ITFG1: variants seen among roughly 807,000 people sequenced by gnomAD.
The protein encoded by ITFG1 is integrin alpha FG-GAP repeat containing 1.
In ITFG1, 34 loss-of-function variants were observed where a neutral mutation model predicts 81.8. That is an observed-to-expected ratio of 0.42 (90% confidence interval 0.32 to 0.55). The LOEUF (loss-of-function observed/expected upper bound fraction) is 0.55. ITFG1 is among the 20% of genes least tolerant of loss of function. The pLI is 0.17. For missense variants in ITFG1, 672 were observed against 755.4 expected, an observed-to-expected ratio of 0.89 and a Z score of 1.29; for synonymous variants, 285 against 270.6, an observed-to-expected ratio of 1.05 and a Z score of -0.52.
chr16:47,185,268 C>A (rs1965195385), intron 14 of ITFG1, among the ~76,000 whole-genome samples: 1 of 152,170 alleles, frequency 6.6e-6, no homozygotes, highest in African/African-American at 2.4e-5. Flanking sequence ...CAGCTCTGCA[C>A]CAAGCGGACC....
At chr16:47,171,578 G>A (rs1964963063) in intron 14 of ITFG1, among the ~76,000 whole-genome samples, 1 of 151,890 alleles carries the variant, frequency 6.6e-6, no homozygotes, top group African/African-American at 2.4e-5. Context: ...CTGGCTTTGA[G>A]TTTAGTCTGG....
chr16:47,204,626 A>G lies in ITFG1; in HGVS notation c.1453+14242T>C, dbSNP rs137906219. 7.8e-3 allele frequency among the ~76,000 whole-genome samples: 1,184 copies of G among 151,902 alleles called. 14 individuals are homozygous for G. The highest frequency in any genetic ancestry group is 0.028 in the African/African-American group (1,143 of 41,164). ...ACATCATTTGTACCAGGTGGTATTAAAAGTAAAATAAGGTTTAATGAACCA... is the reference window on the plus strand; with the variant it reads ...ACATCATTTGTACCAGGTGGTATTAGAAGTAAAATAAGGTTTAATGAACCA... On this transcript the variant is annotated intron_variant, in intron 14 of 17. Transcript: ENST00000320640.
rs751842762 is a variant in ITFG1 at position 47,218,872 on chromosome 16, T to C, written c.1449A>G (p.Gly483=). 4.4e-6 allele frequency: 7 copies of C among 1,585,402 alleles called. No individual in the cohort carries two copies. In the East Asian group the frequency reaches 9.1e-5, roughly 21 times the overall value. Residue 483 remains glycine, a synonymous_variant, in exon 14 of 18, where the codon GGA becomes GGG. Transcript: ENST00000320640. The part of the protein sequence containing the change: ...TVDANGYLKN[G]SAGQLSQSAH... ...GGACAATGTATCTGGTCTTACCTGA[T>C]CCATTTTTCAGATACCCATTTGCAT... is the stretch of plus-strand genomic sequence containing the variant.
chr16:47,345,299 T>G (rs185160527), intron 8 of ITFG1, among the ~76,000 whole-genome samples: 62 of 151,296 alleles, frequency 4.1e-4, no homozygotes, highest in East Asian at 2.3e-3. Context: ...CTCTTTTTTT[T>G]TTTGTTTGTT....
At chr16:47,380,594 A>C (rs1968383977) in intron 6 of ITFG1, among the ~76,000 whole-genome samples, 1 of 152,182 alleles carries the variant, frequency 6.6e-6, no homozygotes, top group Non-Finnish European at 1.5e-5. Context: ...TATTTGATCA[A>C]GGCAGGGTGG....
At position 47,219,055 on chromosome 16, in the gene ITFG1, T is replaced by C. The variant is rs895081937; in HGVS notation, c.1375-109A>G. On this transcript the variant is annotated intron_variant, in intron 13 of 17. Coordinates refer to ENST00000320640, the MANE Select transcript of ITFG1 (RefSeq NM_030790.5). ...AATTCTTACACAGATGACAGTTACT[T>C]AGAGACCCCTTCCATTAACAGCACA... 4 of 535,174 alleles carry C rather than the reference T, an allele frequency of 7.5e-6. No homozygotes were observed. The African/African-American group carries it at 7.9e-5, about 11-fold the overall frequency. The allele number at this position is 535,174 out of a possible 1,614,324, so 33.2% of individuals were successfully genotyped here. A position where few individuals can be genotyped will look rare whatever the true frequency, so the allele number is the denominator to read the frequency against.
At chr16:47,307,188 TGAAG>T (rs1567453738) in intron 10 of ITFG1, among the ~76,000 whole-genome samples, 4 of 134,458 alleles carry the variant, frequency 3.0e-5, no homozygotes, top group Non-Finnish European at 4.7e-5. Flanking sequence ...ACTAAAAACA[TGAAG>T]GAGTCGTATC....
At chr16:47,338,456 AC>A (rs1302483377) in intron 8 of ITFG1, among the ~76,000 whole-genome samples, 2 of 152,060 alleles carry the variant, frequency 1.3e-5, no homozygotes, top group Non-Finnish European at 2.9e-5. Flanking sequence ...AAGAAAAAAA[AC>A]CCTAGCAAAC....
chr16:47,384,336 A>G (rs1240931556), intron 6 of ITFG1, among the ~76,000 whole-genome samples: 1 of 152,202 alleles, frequency 6.6e-6, no homozygotes, highest in Admixed American at 6.5e-5. Flanking sequence ...AAAAGATTTA[A>G]ACTCATTGTA....
intron 12 of ITFG1, among the ~76,000 whole-genome samples, chr16:47,248,090 T>G (rs1400334363): frequency 1.3e-5 from 2 of 152,328 alleles, no homozygotes; most frequent in East Asian, 3.9e-4. Flanking sequence ...AGGATACTAT[T>G]ATAGGAAGCA....
intron 6 of ITFG1, among the ~76,000 whole-genome samples, chr16:47,420,957 T>C (rs931510942): frequency 6.6e-6 from 1 of 152,208 alleles, no homozygotes; most frequent in Admixed American, 6.5e-5. Context: ...GATGCGTATA[T>C]ATTAAGATTA....
At chr16:47,169,466 A>AT (rs137899197) in intron 14 of ITFG1, among the ~76,000 whole-genome samples, 1,785 of 148,282 alleles carry the variant, frequency 0.012, 53 homozygotes, top group East Asian at 0.12. Flanking sequence ...AAACTGAACT[A>AT]TTTTTTTTTT....
rs1412317201 is a variant in ITFG1 at position 47,337,715 on chromosome 16, A to T, written c.803-23892T>A. Reference sequence around the variant, plus strand: ...CGCAATTGCGACAGAAGGTAAAAAAACACTCGTGTATGGTGAGATGCAGTG... The same window carrying T: ...CGCAATTGCGACAGAAGGTAAAAAATCACTCGTGTATGGTGAGATGCAGTG... On this transcript the variant is annotated intron_variant, in intron 8 of 17. Transcript: ENST00000320640. 2.0e-5 allele frequency among the ~76,000 whole-genome samples: 3 copies of T among 152,250 alleles called. No homozygotes were observed. The East Asian group carries it at 5.8e-4, about 29-fold the overall frequency.
chr16:47,457,789 T>TA lies in ITFG1; in HGVS notation c.281+1313dup, dbSNP rs758284035. Among the ~76,000 whole-genome samples, 1,491 of 150,252 alleles carry TA rather than the reference T, an allele frequency of 9.9e-3. 11 individuals are homozygous for TA. The highest frequency in any genetic ancestry group is 0.016 in the Non-Finnish European group (1,085 of 67,396). On this transcript the variant is annotated intron_variant, in intron 2 of 17. Coordinates refer to ENST00000320640, the MANE Select transcript of ITFG1 (RefSeq NM_030790.5). ...TCTTTTAAATTTCCTTAATTTCTAA[T>TA]AAAAAAAAAATCACCTCTATGCAGT...
At chr16:47,391,388 C>T (rs760858940) in intron 6 of ITFG1, among the ~76,000 whole-genome samples, 14 of 152,142 alleles carry the variant, frequency 9.2e-5, no homozygotes, top group Non-Finnish European at 1.6e-4. Context: ...TGGGTACTTT[C>T]TTCTATGAGA....
chr16:47,341,309 G>A (rs535158529), intron 8 of ITFG1, among the ~76,000 whole-genome samples: 124 of 146,324 alleles, frequency 8.5e-4, no homozygotes, highest in Middle Eastern at 6.9e-3. Flanking sequence ...GGTGTGGTGC[G>A]CACTTGTAAT....
At chr16:47,347,610 C>T (rs557636000) in intron 8 of ITFG1, among the ~76,000 whole-genome samples, 1 of 152,332 alleles carries the variant, frequency 6.6e-6, no homozygotes, top group South Asian at 2.1e-4. Flanking sequence ...TAGACTCCAC[C>T]TCTGGGGGCA....
At chr16:47,296,430 T>C (rs879762759) in intron 10 of ITFG1, among the ~76,000 whole-genome samples, 24 of 152,096 alleles carry the variant, frequency 1.6e-4, no homozygotes, top group African/African-American at 5.1e-4. Context: ...TGTCTATTTA[T>C]ACAGTTTCTT....
intron 6 of ITFG1, among the ~76,000 whole-genome samples, chr16:47,391,169 T>A (rs1455989024): frequency 6.6e-6 from 1 of 152,036 alleles, no homozygotes; most frequent in Non-Finnish European, 1.5e-5. Flanking sequence ...GGCAGAGAAC[T>A]TCAGATCAGG....
Sources: gnomAD v4.1 joint callset for allele counts (sites outside exome capture counted in the v4.1 genomes callset) on GRCh38, gnomAD v4.1.1 for gene constraint, MANE v1.5 for transcripts, NCBI Gene and HGNC (gene_info 2026-07-23, HGNC 2026-07-21) for gene names.